CFTR: variants seen among roughly 807,000 people sequenced by gnomAD.
CFTR encodes the protein CF transmembrane conductance regulator.
A neutral mutation model predicts 171.6 loss-of-function variants in CFTR; 181 were observed. The ratio of observed to expected loss-of-function variants is 1.05; its 90% CI spans 0.93 to 1.19. CFTR has a LOEUF of 1.19. Among genes scored for constraint, CFTR ranks in the 50% most tolerant of loss-of-function variants. The pLI is 0.00. For missense variants in CFTR, 1,968 were observed against 1,734.7 expected (o/e 1.13, Z -2.39); for synonymous variants, 583 against 608.0 (o/e 0.96, Z 0.60).
chr7:117,655,682 A>G (rs1371345206), intron 24 of CFTR, among the ~76,000 whole-genome samples: 1 of 152,180 alleles, frequency 6.6e-6, no homozygotes, highest in Non-Finnish European at 1.5e-5. Flanking sequence ...TATTTGTTAC[A>G]GCAGTACCCA....
At chr7:117,564,431 C>G (rs1018761978) in intron 11 of CFTR, 5 of 152,476 alleles carry the variant, frequency 3.3e-5, no homozygotes, top group Admixed American at 6.5e-5. Flanking sequence ...GAATTCAATA[C>G]AGTATAATGT....
At chr7:117,512,336 C>T (rs564519509) in intron 3 of CFTR, among the ~76,000 whole-genome samples, 12 of 152,206 alleles carry the variant, frequency 7.9e-5, no homozygotes, top group Admixed American at 6.5e-4. Flanking sequence ...ACATTTAAGA[C>T]TCCTAGCAAG....
chr7:117,648,837 C>T (rs1280914928), intron 23 of CFTR, among the ~76,000 whole-genome samples: 1 of 152,082 alleles, frequency 6.6e-6, no homozygotes, highest in Non-Finnish European at 1.5e-5. Context: ...ATTTGTAATA[C>T]AGGAATGAAA....
intron 1 of CFTR, among the ~76,000 whole-genome samples, chr7:117,491,473 T>C (rs1010762076): frequency 6.6e-6 from 1 of 152,108 alleles, no homozygotes; most frequent in Non-Finnish European, 1.5e-5. Flanking sequence ...CTTATGGTTT[T>C]GAAGACTAGA....
intron 2 of CFTR, 106 bp from the exon 3 acceptor site, chr7:117,508,928 A>G: frequency 1.3e-6 from 1 of 783,956 alleles, no homozygotes; most frequent in Non-Finnish European, 2.3e-6. Context: ...TACTTGGGTT[A>G]ATCTCCTTGG....
chr7:117,616,128 CTT>C (rs1792485635), intron 21 of CFTR: 1 of 152,058 alleles, frequency 6.6e-6, no homozygotes, highest in East Asian at 1.9e-4. Context: ...TTAATGCTCT[CTT>C]CTGGTTCATG....
intron 23 of CFTR, among the ~76,000 whole-genome samples, chr7:117,644,265 C>A (rs944360433): frequency 6.6e-6 from 1 of 151,996 alleles, no homozygotes. Context: ...TTCTTTGTGA[C>A]AAATTTTGAA....
chr7:117,493,673 G>A (rs1798195736), intron 1 of CFTR, among the ~76,000 whole-genome samples: 1 of 152,060 alleles, frequency 6.6e-6, no homozygotes, highest in African/African-American at 2.4e-5. Flanking sequence ...TCATACAATT[G>A]TGTCTACATA....
chr7:117,544,877 C>T lies in CFTR; in HGVS notation c.1209+2769C>T, dbSNP rs35178333. Among the ~76,000 whole-genome samples, 55 of 152,308 alleles carry T rather than the reference C, an allele frequency of 3.6e-4. No individual in the cohort carries two copies. In the South Asian group the frequency reaches 9.1e-3, roughly 25 times the overall value. On this transcript the variant is annotated intron_variant, in intron 9 of 26. Coordinates refer to ENST00000003084, the MANE Select transcript of CFTR (RefSeq NM_000492.4). ...ACTGTTATACTCTTGTGGAATTTAT[C>T]ATTTAATTTAGCTTCAGTGAACCGT...
intron 3 of CFTR, among the ~76,000 whole-genome samples, chr7:117,511,687 T>C (rs1222686611): frequency 6.6e-6 from 1 of 152,190 alleles, no homozygotes; most frequent in African/African-American, 2.4e-5. Flanking sequence ...TTTTCACCCT[T>C]GTCATAGAGA....
Position 117,535,427 on chromosome 7 carries a change from C to T in CFTR, c.743+16C>T, listed in dbSNP as rs756159190. ...TGAAGTACAGGTAGCAACCTATTTT[C>T]ATAACTTGAAAGTTTTAAAAATTAT... On this transcript the variant is annotated intron_variant, in intron 6 of 26. Coordinates refer to ENST00000003084, the MANE Select transcript of CFTR (RefSeq NM_000492.4). 2 of 1,610,458 alleles carry T rather than the reference C, an allele frequency of 1.2e-6. No individual in the cohort carries two copies. The highest frequency in any genetic ancestry group is 1.7e-6 in the Non-Finnish European group (2 of 1,177,730).
intron 3 of CFTR, among the ~76,000 whole-genome samples, chr7:117,516,851 CAGCTACT>C (rs1459419135): frequency 2.0e-5 from 3 of 152,104 alleles, no homozygotes; most frequent in African/African-American, 4.8e-5. Context: ...ACAGTTTTGC[CAGCTACT>C]AGCCATGTGA....
intron 11 of CFTR, among the ~76,000 whole-genome samples, chr7:117,584,106 T>A (rs1191996262): frequency 6.6e-6 from 1 of 152,178 alleles, no homozygotes; most frequent in East Asian, 1.9e-4. Context: ...GAATATTCTT[T>A]CCCACTCTGT....
chr7:117,514,941 G>T (rs1798575237), intron 3 of CFTR, among the ~76,000 whole-genome samples: 1 of 152,036 alleles, frequency 6.6e-6, no homozygotes. Context: ...ATGTTTGTTG[G>T]CCATGTAAAT....
At chr7:117,627,947 C>A (rs1792680897) in intron 22 of CFTR, 177 bp downstream of exon 22, 2 of 688,868 alleles carry the variant, frequency 2.9e-6, no homozygotes, top group East Asian at 5.7e-5. Flanking sequence ...ATTTAATTTG[C>A]AGAGTCCTGA....
chr7:117,603,013 G>C (rs1792248549), intron 16 of CFTR, 150 bp downstream of exon 16: 1 of 830,956 alleles, frequency 1.2e-6, no homozygotes, highest in East Asian at 2.5e-5. Flanking sequence ...TTGTTTAAAT[G>C]ATGACCATTA....
intron 6 of CFTR, among the ~76,000 whole-genome samples, chr7:117,536,131 A>T (rs1232159439): frequency 6.6e-6 from 1 of 152,220 alleles, no homozygotes; most frequent in Non-Finnish European, 1.5e-5. Context: ...GTCACTGCTT[A>T]GGATAAAGGG....
At chr7:117,568,834 T>C (rs942636507) in intron 11 of CFTR, among the ~76,000 whole-genome samples, 6 of 152,180 alleles carry the variant, frequency 3.9e-5, no homozygotes, top group African/African-American at 1.4e-4. Context: ...CACTATACAA[T>C]AGAGCTCCAG....
At chr7:117,647,791 G>A (rs1211385159) in intron 23 of CFTR, among the ~76,000 whole-genome samples, 2 of 151,942 alleles carry the variant, frequency 1.3e-5, no homozygotes, top group African/African-American at 4.8e-5. Context: ...AAAGCACTGG[G>A]AATTCAGACA....
Sources: allele counts gnomAD v4.1 joint callset (sites outside exome capture counted in the v4.1 genomes callset), GRCh38; gene constraint gnomAD v4.1.1; transcripts MANE v1.5; gene names NCBI Gene and HGNC (gene_info 2026-07-23, HGNC 2026-07-21).